Variants in YJU2B observed in about 807,000 individuals in gnomAD.
YJU2B encodes YJU2 splicing factor homolog B.
A neutral mutation model predicts 38.0 loss-of-function variants in YJU2B; 18 were observed. That is an observed-to-expected ratio of 0.47 (90% confidence interval 0.33 to 0.70). The LOEUF is 0.70. Ranked by LOEUF, YJU2B falls within the 30% of genes least tolerant of loss-of-function variation. YJU2B has a pLI of 0.02. For missense variants in YJU2B, 538 were observed against 556.3 expected, an observed-to-expected ratio of 0.97 and a Z score of 0.33; for synonymous variants, 246 against 225.4, an observed-to-expected ratio of 1.09 and a Z score of -0.82.
Position 13,762,056 on chromosome 19 carries a change from G to A in YJU2B, c.574-243G>A, listed in dbSNP as rs554318901. ...AAATAAATGTTTTAATTAGCTGGGCGTGGTGGTGCACATCTGTAGTACTGG... is the reference window on the plus strand; with the variant it reads ...AAATAAATGTTTTAATTAGCTGGGCATGGTGGTGCACATCTGTAGTACTGG... On this transcript the variant is annotated intron_variant, in intron 8 of 9. Transcript: ENST00000221554. Among the ~76,000 whole-genome samples, 15 of 152,214 alleles carry A rather than the reference G, an allele frequency of 9.9e-5. No homozygotes were observed. The South Asian group carries it at 1.0e-3, about 11-fold the overall frequency.
intron 2 of YJU2B, among the ~76,000 whole-genome samples, 180 bp downstream of exon 2, chr19:13,751,991 A>G (rs982203594): frequency 1.3e-5 from 2 of 151,874 alleles, no homozygotes; most frequent in African/African-American, 4.8e-5. Flanking sequence ...GCACTTTTTA[A>G]ATGTTTTTTT....
chr19:13,750,938 G>A (rs183922895), intron 1 of YJU2B, among the ~76,000 whole-genome samples: 10 of 152,010 alleles, frequency 6.6e-5, no homozygotes, highest in Non-Finnish European at 1.3e-4. Flanking sequence ...AGCTGCACTT[G>A]GCCTTTGAAG....
intron 2 of YJU2B, among the ~76,000 whole-genome samples, chr19:13,734,818 G>C (rs1972903742): frequency 6.6e-6 from 1 of 151,708 alleles, no homozygotes; most frequent in Admixed American, 6.6e-5. Context: ...TGTTGCCCAG[G>C]CTGGTCTCAA....
chr19:13,750,017 C>G (rs1251100117), intron 1 of YJU2B, among the ~76,000 whole-genome samples: 1 of 152,180 alleles, frequency 6.6e-6, no homozygotes, highest in Non-Finnish European at 1.5e-5. Context: ...ACCTGTGTCA[C>G]CTGCACTGAC....
Position 13,763,244 on chromosome 19 carries a change from G to A in YJU2B, c.*176G>A. On this transcript the variant is annotated 3_prime_UTR_variant, in exon 10 of 10. Coordinates refer to ENST00000221554, the MANE Select transcript of YJU2B (RefSeq NM_030818.4). Reference sequence around the variant, plus strand: ...AGTTATTTATTTGGTCCTGGTGAGGGTGTTTGTGCCTTGTGAGACTCCGTA... The same window carrying A: ...AGTTATTTATTTGGTCCTGGTGAGGATGTTTGTGCCTTGTGAGACTCCGTA... The A allele has an allele frequency of 7.1e-6, 4 of 561,074 alleles. No homozygotes were observed. Among genetic ancestry groups the A allele is most frequent in the Non-Finnish European group, 1.2e-5 (4 of 322,214 alleles). 34.8% of individuals were successfully genotyped at this position (561,074 alleles called of 1,614,324 possible).
chr19:13,753,189 C>G (rs1403634123), intron 2 of YJU2B, among the ~76,000 whole-genome samples: 1 of 152,178 alleles, frequency 6.6e-6, no homozygotes. Context: ...GTCCCCAAGT[C>G]CCCCTTATCC....
intron 4 of YJU2B, among the ~76,000 whole-genome samples, chr19:13,756,592 C>G (rs989756629): frequency 6.6e-6 from 1 of 152,104 alleles, no homozygotes; most frequent in African/African-American, 2.4e-5. Context: ...TTAGCAGGGA[C>G]TTGACCTGTA....
At chr19:13,745,851 G>GT (rs1973234547), upstream of YJU2B, among the ~76,000 whole-genome samples, 1 of 151,816 alleles carries the variant, frequency 6.6e-6, no homozygotes, top group Admixed American at 6.6e-5. Flanking sequence ...AGAAAAGAGT[G>GT]TGTTCTTTCC....
At chr19:13,737,862 A>T (rs1599489706) in intron 2 of YJU2B, among the ~76,000 whole-genome samples, 2 of 152,176 alleles carry the variant, frequency 1.3e-5, no homozygotes, top group South Asian at 2.1e-4. Context: ...ACCATACTCC[A>T]TGCCCTTGGG....
Position 13,733,064 on chromosome 19 carries a change from G to T in YJU2B, c.-202+779G>T, listed in dbSNP as rs572300598. Among the ~76,000 whole-genome samples the T allele has an allele frequency of 6.6e-5, 10 of 151,810 alleles. No homozygotes were observed. In the South Asian group the frequency reaches 2.1e-3, roughly 32 times the overall value. On this transcript the variant is annotated intron_variant, in intron 2 of 10. Transcript: ENST00000586600. ...CCTGCCTCAGCCTCCCGAGTAGCTG[G>T]GACTACAGGTGCCCGCCACCTCACC...
intron 6 of YJU2B, among the ~76,000 whole-genome samples, chr19:13,758,394 C>G (rs909274949): frequency 1.5e-4 from 23 of 152,170 alleles, no homozygotes; most frequent in African/African-American, 5.6e-4. Flanking sequence ...GAGCCTGCCA[C>G]AGAGCAGCCT....
intron 2 of YJU2B, among the ~76,000 whole-genome samples, chr19:13,735,202 A>C (rs1972912302): frequency 6.6e-6 from 1 of 152,094 alleles, no homozygotes; most frequent in Non-Finnish European, 1.5e-5. Flanking sequence ...CTGTAGTCTC[A>C]GCTGCTCCCA....
rs969179898 is a variant in YJU2B at position 13,760,147 on chromosome 19, G to A, written c.573+875G>A. Among the ~76,000 whole-genome samples, 12 of 151,440 alleles carry A rather than the reference G, an allele frequency of 7.9e-5. 1 individual carries two copies. The highest frequency in any genetic ancestry group is 1.3e-4 in the Admixed American group (2 of 15,208). On this transcript the variant is annotated intron_variant, in intron 8 of 9. Transcript: ENST00000221554. Reference sequence around the variant, plus strand: ...TCACCATGTTGGCCAGGCTGGTCTCGAACTCCCAACCTCAAGTGATCCACC... The same window carrying A: ...TCACCATGTTGGCCAGGCTGGTCTCAAACTCCCAACCTCAAGTGATCCACC...
intron 1 of YJU2B, among the ~76,000 whole-genome samples, chr19:13,749,289 C>T (rs1973365017): frequency 6.6e-6 from 1 of 152,164 alleles, no homozygotes; most frequent in African/African-American, 2.4e-5. Context: ...CAGGCGTGAG[C>T]CACCGAGTCC....
In YJU2B at chr19:13,742,477, G is replaced by A. The variant is rs142302427; in HGVS notation, c.-201-9131G>A. Among the ~76,000 whole-genome samples, 174 of 152,176 alleles carry A rather than the reference G, an allele frequency of 1.1e-3. 3 individuals carry two copies. In the East Asian group the frequency reaches 0.028, roughly 24 times the overall value. On this transcript the variant is annotated intron_variant, in intron 2 of 10. Coordinates refer to the YJU2B transcript ENST00000586600. ...CATTTTATATGGCTCCCATGCTTAC[G>A]CATAAATGTCTGTGCCCTTTCTTTT...
In YJU2B at chr19:13,763,080, C is replaced by T. The variant is rs761199578; in HGVS notation, c.*12C>T. 6.5e-7 allele frequency: 1 copy of T among 1,532,754 alleles called. No individual in the cohort carries two copies. The highest frequency in any genetic ancestry group is 1.3e-5 in the South Asian group (1 of 78,806). 94.9% of individuals were successfully genotyped at this position (1,532,754 alleles called of 1,614,324 possible). On this transcript the variant is annotated 3_prime_UTR_variant, in exon 10 of 10. Transcript: ENST00000221554. Reference sequence around the variant, plus strand: ...CGGAGAGTGAGTGAGCGATCCCCATCCTGGAGACTGGACCCGCTCTAGAGG... The same window carrying T: ...CGGAGAGTGAGTGAGCGATCCCCATTCTGGAGACTGGACCCGCTCTAGAGG...
intron 2 of YJU2B, among the ~76,000 whole-genome samples, chr19:13,735,030 A>C (rs1022192534): frequency 1.3e-5 from 2 of 152,178 alleles, no homozygotes; most frequent in South Asian, 2.1e-4. Flanking sequence ...GGATCAGGAG[A>C]TCTTAGCAGG....
At chr19:13,738,494 C>T (rs549961773) in intron 2 of YJU2B, among the ~76,000 whole-genome samples, 1 of 152,318 alleles carries the variant, frequency 6.6e-6, no homozygotes, top group East Asian at 1.9e-4. Context: ...TACAGTGGCT[C>T]ACACCTGTAA....
chr19:13,743,749 C>T (rs555272661), upstream of YJU2B, among the ~76,000 whole-genome samples: 77 of 149,504 alleles, frequency 5.2e-4, no homozygotes, highest in Non-Finnish European at 8.3e-4. Context: ...AAAAATTAGC[C>T]GGATGCGGTG....
Sources: allele counts gnomAD v4.1 joint callset (sites outside exome capture counted in the v4.1 genomes callset), GRCh38; gene constraint gnomAD v4.1.1; transcripts MANE v1.5; gene names NCBI Gene and HGNC (gene_info 2026-07-23, HGNC 2026-07-21).